Variants in FRMD4B observed in about 807,000 individuals in gnomAD.
FRMD4B encodes FERM domain-containing protein 4B.
In FRMD4B, 74 loss-of-function variants were observed where a neutral mutation model predicts 141.5. That is an observed-to-expected ratio of 0.52 (90% CI 0.43 to 0.63). FRMD4B has a LOEUF of 0.63. Ranked by LOEUF, FRMD4B falls within the 30% of genes least tolerant of loss-of-function variation. The pLI, the probability that FRMD4B is intolerant of heterozygous loss-of-function variation, is 0.00. For missense variants in FRMD4B, 1,366 were observed against 1,253.4 expected (o/e 1.09, Z -1.36); for synonymous variants, 506 against 467.9 (o/e 1.08, Z -1.05).
intron 1 of FRMD4B, among the ~76,000 whole-genome samples, chr3:69,440,311 T>A (rs114020376): frequency 0.028 from 4,337 of 152,330 alleles, 81 homozygotes; most frequent in Non-Finnish European, 0.045. Flanking sequence ...TTTGATACTG[T>A]GTTTTCCTCT....
At chr3:69,404,978 G>A (rs1279872074) in intron 2 of FRMD4B, among the ~76,000 whole-genome samples, 2 of 152,288 alleles carry the variant, frequency 1.3e-5, no homozygotes, top group African/African-American at 4.8e-5. Context: ...TAGCCTAGAA[G>A]AGAAATGTGA....
chr3:69,491,055 A>G (rs768617160), intron 1 of FRMD4B, among the ~76,000 whole-genome samples: 5 of 152,198 alleles, frequency 3.3e-5, no homozygotes, highest in Admixed American at 1.3e-4. Flanking sequence ...AGCTCAATGA[A>G]AATTGTTTCA....
At chr3:69,249,103 TCA>T in intron 7 of FRMD4B, 121 bp downstream of exon 7, 3 of 630,196 alleles carry the variant, frequency 4.8e-6, no homozygotes, top group Non-Finnish European at 8.4e-6. Context: ...CGAAGAGATC[TCA>T]GTCTCCTGCC....
At chr3:69,448,726 G>A (rs997023132) in intron 1 of FRMD4B, among the ~76,000 whole-genome samples, 7 of 152,092 alleles carry the variant, frequency 4.6e-5, no homozygotes, top group Non-Finnish European at 2.9e-5. Flanking sequence ...TCGTGCAAGC[G>A]TTTACTTTAT....
At chr3:69,207,351 C>T (rs1184017304) in intron 11 of FRMD4B, among the ~76,000 whole-genome samples, 2 of 150,202 alleles carry the variant, frequency 1.3e-5, no homozygotes, top group Non-Finnish European at 3.0e-5. Flanking sequence ...TAAATCTTTA[C>T]TGTTTATGCC....
intron 5 of FRMD4B, among the ~76,000 whole-genome samples, chr3:69,263,786 T>C (rs1311402114): frequency 6.6e-6 from 1 of 151,048 alleles, no homozygotes; most frequent in African/African-American, 2.4e-5. Context: ...ACTTGTATCC[T>C]TTTCCATCTG....
At chr3:69,492,996 T>C (rs1406317606) in intron 1 of FRMD4B, among the ~76,000 whole-genome samples, 1 of 152,162 alleles carries the variant, frequency 6.6e-6, no homozygotes, top group East Asian at 1.9e-4. Flanking sequence ...GGTGCTCCAT[T>C]AGGATTCTTA....
intron 5 of FRMD4B, among the ~76,000 whole-genome samples, chr3:69,257,737 C>T (rs560673404): frequency 6.6e-6 from 1 of 152,218 alleles, no homozygotes; most frequent in South Asian, 2.1e-4. Flanking sequence ...TCCTGGCTCA[C>T]TGCAGTCTCG....
chr3:69,308,805 A>T (rs747700771), intron 3 of FRMD4B, among the ~76,000 whole-genome samples: 1 of 151,810 alleles, frequency 6.6e-6, no homozygotes, highest in South Asian at 2.1e-4. Flanking sequence ...GGACTTTTGC[A>T]CTGGTTTTTG....
At chr3:69,472,245 A>G (rs1013311890) in intron 1 of FRMD4B, 2 of 323,374 alleles carry the variant, frequency 6.2e-6, no homozygotes, top group South Asian at 3.4e-5. Flanking sequence ...CTGTGAGTTC[A>G]GCATGTCCAG....
chr3:69,267,593 GTGTATATATATATA>G (rs1294799151), intron 5 of FRMD4B, among the ~76,000 whole-genome samples: 12 of 97,994 alleles, frequency 1.2e-4, no homozygotes, highest in African/African-American at 5.3e-4. Context: ...GTGTGTGTGT[GTGTATATATATATA>G]TATATATATA....
Position 69,193,784 on chromosome 3 carries a change from A to T in FRMD4B, c.1578T>A (p.Leu526=). Residue 526 remains leucine, a synonymous_variant, in exon 17 of 23, where the codon CTT becomes CTA. Coordinates refer to ENST00000398540, the MANE Select transcript of FRMD4B (RefSeq NM_015123.3). The part of the protein sequence containing the change: ...AAKKLANEPD[L]CKTVKKKRKQ... ...TTCGCTTTTTCTTCACAGTTTTACAAAGGTCTGGCTCATTGGCAAGTTTCT... is the reference window on the plus strand; with the variant it reads ...TTCGCTTTTTCTTCACAGTTTTACATAGGTCTGGCTCATTGGCAAGTTTCT... 1.9e-6 allele frequency: 3 copies of T among 1,613,738 alleles called. No homozygotes were observed. The highest frequency in any genetic ancestry group is 2.5e-6 in the Non-Finnish European group (3 of 1,179,630).
chr3:69,456,377 A>C, intron 1 of FRMD4B, among the ~76,000 whole-genome samples: 1 of 152,242 alleles, frequency 6.6e-6, no homozygotes, highest in Non-Finnish European at 1.5e-5. Flanking sequence ...TTCCATTTCA[A>C]GGAATTTACC....
At chr3:69,311,454 T>C (rs771827290) in intron 2 of FRMD4B, 97 bp from the exon 3 acceptor site, 55 of 630,758 alleles carry the variant, frequency 8.7e-5, no homozygotes, top group Non-Finnish European at 1.4e-4. Flanking sequence ...AGCTTTTGTT[T>C]ATTTGTTTGT....
At chr3:69,304,483 C>CAAAAAAAAAAAAAAAAAAAAA (rs1313360753) in intron 3 of FRMD4B, among the ~76,000 whole-genome samples, 2 of 67,594 alleles carry the variant, frequency 3.0e-5, no homozygotes, top group African/African-American at 5.3e-5. Context: ...GATTCTATCT[C>CAAAAAAAAAAAAAAAAAAAAA]AAAAAAAAAA....
chr3:69,263,817 CTTT>C (rs3032130), intron 5 of FRMD4B, among the ~76,000 whole-genome samples: 1,948 of 68,306 alleles, frequency 0.029, 11 homozygotes, highest in African/African-American at 0.074. Flanking sequence ...AACCCCATTC[CTTT>C]TTTTTTTTTT....
chr3:69,439,735 T>G (rs1705315183), intron 1 of FRMD4B, among the ~76,000 whole-genome samples: 1 of 152,214 alleles, frequency 6.6e-6, no homozygotes. Context: ...CTCAATTCTT[T>G]GCCAAGTCTC....
chr3:69,456,034 T>C (rs1176309527), intron 1 of FRMD4B, among the ~76,000 whole-genome samples: 2 of 152,216 alleles, frequency 1.3e-5, no homozygotes, highest in Non-Finnish European at 2.9e-5. Flanking sequence ...GTTTAGTTTC[T>C]GGCACGTGGT....
chr3:69,539,584 C>T (rs1262230591), intron 1 of FRMD4B, among the ~76,000 whole-genome samples: 1 of 152,202 alleles, frequency 6.6e-6, no homozygotes, highest in Non-Finnish European at 1.5e-5. Flanking sequence ...CTTCTGAGAA[C>T]TTTCCCATGG....
Sources: gnomAD v4.1 joint callset for allele counts (sites outside exome capture counted in the v4.1 genomes callset) on GRCh38, gnomAD v4.1.1 for gene constraint, MANE v1.5 for transcripts, NCBI Gene and HGNC (gene_info 2026-07-23, HGNC 2026-07-21) for gene names.